The following PPFIA4 variants were observed in gnomAD, a reference collection of about 807,000 sequenced individuals.
The protein encoded by PPFIA4 is PPFI scaffold protein A4.
Under a neutral mutation model 145.7 loss-of-function variants are expected in PPFIA4, and 98 were observed. That is an observed-to-expected ratio of 0.67 (90% CI 0.57 to 0.80). The LOEUF is 0.80. Ranked by LOEUF, PPFIA4 falls within the 30% of genes least tolerant of loss-of-function variation. The pLI is 0.00. For missense variants in PPFIA4, 1,457 were observed against 1,632.7 expected (o/e 0.89, Z 1.85); for synonymous variants, 628 against 649.6 (o/e 0.97, Z 0.51).
Position 203,076,703 on chromosome 1 carries a change from C to T in PPFIA4, c.*313C>T. 1 of 444,168 alleles carries T rather than the reference C, an allele frequency of 2.3e-6. No individual in the cohort carries two copies. Among genetic ancestry groups the T allele is most frequent in the Non-Finnish European group, 4.1e-6 (1 of 242,196 alleles). 27.5% of individuals were successfully genotyped at this position (444,168 alleles called of 1,614,324 possible). On this transcript the variant is annotated 3_prime_UTR_variant, in exon 30 of 30. Transcript: ENST00000295706. ...GGGTGGATGTGAAGCCACCCTTCCT[C>T]TTCTGGACCCAGCCTGGTCTGCACT...
At position 203,068,394 on chromosome 1, in the gene PPFIA4, G is replaced by A; in HGVS notation, c.3149-59G>A. The stretch of plus-strand genomic sequence containing the variant: ...TTAGGGAGCTCTGCTTCTGTCCTTG[G>A]AGGGCCCTTGATGAAACGTAGTATC... On this transcript the variant is annotated intron_variant, in intron 26 of 29. Transcript: ENST00000295706. The surrounding 1 kb of genome is among the most constrained non-coding windows in gnomAD (Gnocchi z 4.7). The A allele has an allele frequency of 4.1e-6, 6 of 1,457,820 alleles. No homozygotes were observed. Among genetic ancestry groups the A allele is most frequent in the Non-Finnish European group, 5.6e-6 (6 of 1,073,682 alleles). The allele number at this position is 1,457,820 out of a possible 1,614,324, so 90.3% of individuals were successfully genotyped here.
At chr1:203,044,809 CA>C in intron 6 of PPFIA4, 24 bp downstream of exon 6, 1 of 1,549,602 alleles carries the variant, frequency 6.5e-7, no homozygotes, top group South Asian at 1.2e-5. Flanking sequence ...AGCTGTGTAG[CA>C]GGGGTCATGT....
rs753391903 is a variant in PPFIA4 at position 203,060,343 on chromosome 1, C to G, written c.2710C>G (p.Arg904Gly). Residue 904 changes from arginine to glycine, a missense_variant, in exon 22 of 30, where the codon CGG becomes GGG. This residue lies in a region of PPFIA4 where 848 missense variants were observed against 1,046.7 expected (regional missense o/e 0.81). Transcript: ENST00000295706. The surrounding 1 kb of genome is among the most constrained non-coding windows in gnomAD (Gnocchi z 4.8). ...REIGISNALH[R>G]LKLRLAIQEM... ...GATCGGCATCAGCAATGCCCTGCAC[C>G]GGCTCAAGCTCCGCCTGGCCATTCA... 3.1e-6 allele frequency: 5 copies of G among 1,614,046 alleles called. No homozygotes were observed. Among genetic ancestry groups the G allele is most frequent in the Non-Finnish European group, 2.5e-6 (3 of 1,179,930 alleles).
intron 15 of PPFIA4, among the ~76,000 whole-genome samples, chr1:203,054,857 T>C (rs1558086152): frequency 6.6e-6 from 1 of 152,186 alleles, no homozygotes. Flanking sequence ...AAAGACATAC[T>C]CAGAATAAAG....
chr1:203,049,617 T>G, intron 12 of PPFIA4, 59 bp from the exon 13 acceptor site: 2 of 977,304 alleles, frequency 2.0e-6, no homozygotes, highest in Non-Finnish European at 2.9e-6. Flanking sequence ...ACTCCCACCC[T>G]CCCTCTCTGC....
intron 5 of PPFIA4, 44 bp from the exon 6 acceptor site, chr1:203,044,652 T>C (rs1369281195): frequency 5.9e-6 from 9 of 1,513,580 alleles, no homozygotes; most frequent in Non-Finnish European, 8.0e-6. Flanking sequence ...GTATGGGAGG[T>C]TCTCTTCTCT....
intron 9 of PPFIA4, among the ~76,000 whole-genome samples, chr1:203,047,163 T>G (rs1039875499): frequency 6.6e-6 from 1 of 152,210 alleles, no homozygotes; most frequent in East Asian, 1.9e-4. Flanking sequence ...CCGGCCAGTG[T>G]GCAGCTCAGC....
At position 203,063,896 on chromosome 1, in the gene PPFIA4, G is replaced by A. The variant is rs375552062; in HGVS notation, c.2943G>A (p.Pro981=). The A allele has an allele frequency of 1.2e-3, 2,002 of 1,613,920 alleles. 2 individuals are homozygous for A. The highest frequency in any genetic ancestry group is 1.6e-3 in the Non-Finnish European group (1,893 of 1,179,906). Residue 981 remains proline, a synonymous_variant, in exon 25 of 30, where the codon CCG becomes CCA. Coordinates refer to ENST00000295706, the MANE Select transcript of PPFIA4 (RefSeq NM_001304331.2). ...AATGGCTACCCAGCCTGGGGCTCCCGCAGTACCGCAGCTACTTCATGGAGT... is the reference window on the plus strand; with the variant it reads ...AATGGCTACCCAGCCTGGGGCTCCCACAGTACCGCAGCTACTTCATGGAGT... The part of the protein sequence containing the change: ...GNEWLPSLGL[P]QYRSYFMECL...
At chr1:203,028,818 G>A (rs187816206) in intron 1 of PPFIA4, among the ~76,000 whole-genome samples, 9 of 152,178 alleles carry the variant, frequency 5.9e-5, no homozygotes, top group Admixed American at 5.2e-4. Context: ...AGGGACAAGT[G>A]TGTATTGCAG....
rs1250166330 is a variant in PPFIA4, at chr1:203,051,752, C to T, written c.1512-17C>T. ...GTCCTCAGGGCCTGTCTTTTCTCTC[C>T]CCCATCACCGCTCAAGGTCGCACAT... On this transcript the variant is annotated splice_polypyrimidine_tract_variant and intron_variant, in intron 13 of 29. Transcript: ENST00000295706. The T allele has an allele frequency of 6.2e-7, 1 of 1,600,496 alleles. No homozygotes were observed. The highest frequency in any genetic ancestry group is 2.3e-5 in the East Asian group (1 of 44,250).
chr1:203,067,893 T>A, intron 26 of PPFIA4, 101 bp downstream of exon 26: 1 of 1,021,094 alleles, frequency 9.8e-7, no homozygotes, highest in Non-Finnish European at 1.5e-6. Flanking sequence ...CAGGGAATCT[T>A]CCAGTCTGAA....
intron 14 of PPFIA4, 180 bp from the exon 15 acceptor site, chr1:203,053,573 C>G: frequency 1.6e-6 from 1 of 606,170 alleles, no homozygotes; most frequent in Non-Finnish European, 2.9e-6. Context: ...AAAAAACCAC[C>G]CAGGGGTCTT....
At chr1:203,028,055 A>G (rs186372353) in intron 1 of PPFIA4, among the ~76,000 whole-genome samples, 109 of 152,358 alleles carry the variant, frequency 7.2e-4, no homozygotes, top group Non-Finnish European at 1.0e-4. Context: ...GGTAAACGGT[A>G]TCTCAAAGTA....
At chr1:203,064,139 A>G in intron 25 of PPFIA4, 136 bp downstream of exon 25, 1 of 896,856 alleles carries the variant, frequency 1.1e-6, no homozygotes, top group Non-Finnish European at 1.6e-6. Flanking sequence ...CCCCCTTGGG[A>G]AAGTCTCCCT....
intron 1 of PPFIA4, among the ~76,000 whole-genome samples, chr1:203,029,449 C>G (rs1310257765): frequency 1.3e-5 from 2 of 152,260 alleles, no homozygotes; most frequent in Non-Finnish European, 2.9e-5. Flanking sequence ...GTGCCAGAGA[C>G]TGAGTGTTTG....
chr1:203,035,809 G>GAT (rs1659210145), intron 1 of PPFIA4, among the ~76,000 whole-genome samples: 1 of 148,562 alleles, frequency 6.7e-6, no homozygotes, highest in Non-Finnish European at 1.5e-5. Context: ...GTGTAGCAGA[G>GAT]AGGACAGGGG....
intron 1 of PPFIA4, chr1:203,035,623 G>T (rs776631648): frequency 2.2e-6 from 1 of 456,656 alleles, no homozygotes; most frequent in Non-Finnish European, 4.4e-6. Context: ...GGCAGCTTTC[G>T]CCTCTGAATC....
In PPFIA4 at chr1:203,045,563, C is replaced by T. The variant is rs752722789; in HGVS notation, c.858+4C>T. On this transcript the variant is annotated splice_donor_region_variant and intron_variant, in intron 7 of 29. Transcript: ENST00000295706. ...GCATCAGCGGGACCTCCGGGAGGTGCGTGAGGGCGCAGGCCTGCTCTGTGA... is the reference window on the plus strand; with the variant it reads ...GCATCAGCGGGACCTCCGGGAGGTGTGTGAGGGCGCAGGCCTGCTCTGTGA... 1.4e-5 allele frequency: 22 copies of T among 1,575,426 alleles called. No homozygotes were observed. Among genetic ancestry groups the T allele is most frequent in the East Asian group, 6.9e-5 (3 of 43,218 alleles).
In PPFIA4 at chr1:203,048,574, GCT is replaced by G; in HGVS notation, c.1225-8_1225-7del. 1 of 1,573,130 alleles carries G rather than the reference GCT, an allele frequency of 6.4e-7. No individual in the cohort carries two copies. Among genetic ancestry groups the G allele is most frequent in the Non-Finnish European group, 8.6e-7 (1 of 1,160,532 alleles). On this transcript the variant is annotated splice_polypyrimidine_tract_variant and splice_region_variant and intron_variant, in intron 10 of 29. Coordinates refer to ENST00000295706, the MANE Select transcript of PPFIA4 (RefSeq NM_001304331.2). The surrounding 1 kb of genome is among the most constrained non-coding windows in gnomAD (Gnocchi z 5.8). Reference sequence around the variant, plus strand: ...AGGGCGGCCTGGTGCGAGGCAGACGGCTGTGCAGGTGCGCCAGCGGGAAAAGA... The same window carrying G: ...AGGGCGGCCTGGTGCGAGGCAGACGGGTGCAGGTGCGCCAGCGGGAAAAGA...
Sources: gnomAD v4.1 joint callset for allele counts (sites outside exome capture counted in the v4.1 genomes callset) on GRCh38, gnomAD v4.1.1 for gene constraint, gnomAD v4.1.1 regional missense constraint, Gnocchi (gnomAD v3.1) non-coding constraint, MANE v1.5 for transcripts, NCBI Gene and HGNC (gene_info 2026-07-23, HGNC 2026-07-21) for gene names.